Variants in FAM234B observed in about 807,000 individuals in gnomAD.
FAM234B encodes the protein family with sequence similarity 234 member B.
In FAM234B, 33 loss-of-function variants were observed where a neutral mutation model predicts 69.3. The observed-to-expected ratio is 0.48, with a 90% CI of 0.36 to 0.64. The LOEUF (loss-of-function observed/expected upper bound fraction) is 0.64, where lower values mean the gene tolerates loss of function less well. Among genes scored for constraint, FAM234B ranks in the 30% least tolerant of loss-of-function variants. The pLI is 0.00. For missense variants in FAM234B, 697 were observed against 769.7 expected, an observed-to-expected ratio of 0.91 and a Z score of 1.12; for synonymous variants, 306 against 306.9, an observed-to-expected ratio of 1.00 and a Z score of 0.03.
intron 10 of FAM234B, among the ~76,000 whole-genome samples, chr12:13,072,499 A>G (rs1865116999): frequency 6.6e-6 from 1 of 152,178 alleles, no homozygotes; most frequent in Non-Finnish European, 1.5e-5. Context: ...TGGGAGGCCG[A>G]GGCAGGAGAA....
At chr12:13,053,125 C>G (rs1320515553) in intron 1 of FAM234B, among the ~76,000 whole-genome samples, 1 of 151,908 alleles carries the variant, frequency 6.6e-6, no homozygotes, top group Admixed American at 6.6e-5. Flanking sequence ...AATTTGTGCC[C>G]TTAAAAATCA....
At chr12:13,061,266 A>G (rs186610799) in intron 3 of FAM234B, among the ~76,000 whole-genome samples, 42 of 152,346 alleles carry the variant, frequency 2.8e-4, no homozygotes, top group African/African-American at 9.9e-4. Flanking sequence ...CCTTAAGGAT[A>G]TCACCATTTA....
Position 13,044,588 on chromosome 12 carries a change from G to C in FAM234B, c.37+148G>C. ...GTGCCGAGGAGGGTGCAGTCCCTTGGGGCTGGGGTCTCTGTGCCACCAGAG... is the reference window on the plus strand; with the variant it reads ...GTGCCGAGGAGGGTGCAGTCCCTTGCGGCTGGGGTCTCTGTGCCACCAGAG... On this transcript the variant is annotated intron_variant, in intron 1 of 12. Coordinates refer to ENST00000197268, the MANE Select transcript of FAM234B (RefSeq NM_020853.2). This position sits in a 1 kb window ranked among gnomAD's most constrained non-coding sequence, Gnocchi z 5.6. The C allele has an allele frequency of 3.6e-6, 3 of 834,252 alleles. No homozygotes were observed. The highest frequency in any genetic ancestry group is 5.6e-6 in the Non-Finnish European group (3 of 538,576). 51.7% of individuals were successfully genotyped at this position (834,252 alleles called of 1,614,324 possible).
chr12:13,076,127 A>G lies in FAM234B; in HGVS notation c.1626A>G (p.Thr542=). Residue 542 remains threonine, a synonymous_variant, in exon 11 of 13, where the codon ACA becomes ACG. Transcript: ENST00000197268. ...TGGATCTGGCCAACACCACCGGCAC[A>G]GTGACGGCTTCAGAGGGTGAGTCCC... ...ILLDLANTTG[T]VTASEVGIND... is the part of the protein sequence containing the mutation. The G allele has an allele frequency of 6.2e-7, 1 of 1,613,402 alleles. No homozygotes were observed. Among genetic ancestry groups the G allele is most frequent in the South Asian group, 1.1e-5 (1 of 91,072 alleles).
chr12:13,053,422 T>C (rs1864895535), intron 1 of FAM234B, among the ~76,000 whole-genome samples: 1 of 152,100 alleles, frequency 6.6e-6, no homozygotes, highest in East Asian at 1.9e-4. Context: ...TTTCCTTAAG[T>C]GTTGGCCGGT....
rs1258829463 is a variant in FAM234B at position 13,076,073 on chromosome 12, C to T, written c.1572C>T (p.Leu524=). The change falls in exon 11 of 13, where the codon CTC becomes CTT. Residue 524 remains leucine, a synonymous_variant. Coordinates refer to ENST00000197268, the MANE Select transcript of FAM234B (RefSeq NM_020853.2). Reference sequence around the variant, plus strand: ...CGCCCAGCCTTCACCACCTTTACCTCCTGCATCCTGCGTTCCCCTCCATCC... The same window carrying T: ...CGCCCAGCCTTCACCACCTTTACCTTCTGCATCCTGCGTTCCCCTCCATCC... ...TEPPSLHHLY[L]LHPAFPSILL... 1 of 1,614,088 alleles carries T rather than the reference C, an allele frequency of 6.2e-7. No individual in the cohort carries two copies. The highest frequency in any genetic ancestry group is 8.5e-7 in the Non-Finnish European group (1 of 1,180,026).
chr12:13,061,516 C>T, intron 3 of FAM234B, 59 bp from the exon 4 acceptor site: 1 of 1,463,616 alleles, frequency 6.8e-7, no homozygotes. Context: ...TCTTGTTCAT[C>T]TCTGCCTCTT....
At chr12:13,056,479 T>A (rs935036778) in intron 2 of FAM234B, among the ~76,000 whole-genome samples, 2 of 152,186 alleles carry the variant, frequency 1.3e-5, no homozygotes. Context: ...CTTTTTGGAG[T>A]AGGCTTCTTT....
At position 13,070,172 on chromosome 12, in the gene FAM234B, G is replaced by GAT. The variant is rs66463903; in HGVS notation, c.1369-1031_1369-1030dup. On this transcript the variant is annotated intron_variant, in intron 9 of 12. Coordinates refer to ENST00000197268, the MANE Select transcript of FAM234B (RefSeq NM_020853.2). ...AGTTAAACTATAATAATTAAAAAAA[G>GAT]ATATATATATATATATATATATATA... 5.9e-4 allele frequency among the ~76,000 whole-genome samples: 83 copies of GAT among 139,748 alleles called. 1 individual carries two copies. Among genetic ancestry groups the GAT allele is most frequent in the African/African-American group, 1.6e-3 (59 of 37,954 alleles). The allele number at this position is 139,748 out of a possible 152,430, so 91.7% of individuals were successfully genotyped here. A position where few individuals can be genotyped will look rare whatever the true frequency, so the allele number is the denominator to read the frequency against.
chr12:13,047,405 A>G (rs1864823726), intron 1 of FAM234B, among the ~76,000 whole-genome samples: 1 of 152,234 alleles, frequency 6.6e-6, no homozygotes, highest in South Asian at 2.1e-4. Context: ...AAACTAACCC[A>G]TGATATGAAT....
intron 5 of FAM234B, among the ~76,000 whole-genome samples, chr12:13,066,020 A>C (rs1865032193): frequency 6.6e-6 from 1 of 152,212 alleles, no homozygotes; most frequent in Non-Finnish European, 1.5e-5. Context: ...ACTTGTTTTT[A>C]TAAATAGAGC....
intron 5 of FAM234B, among the ~76,000 whole-genome samples, chr12:13,066,009 T>G (rs563421552): frequency 1.5e-4 from 23 of 152,226 alleles, no homozygotes; most frequent in Non-Finnish European, 3.1e-4. Context: ...TTTGGCCCAC[T>G]ACTTGTTTTT....
In FAM234B at chr12:13,066,723, G is replaced by A; in HGVS notation, c.936G>A (p.Gly312=). The change falls in exon 6 of 13, where the codon GGG becomes GGA. Residue 312 remains glycine, a synonymous_variant. Coordinates refer to ENST00000197268, the MANE Select transcript of FAM234B (RefSeq NM_020853.2). ...RPVKYNIVGV[G]NLIGPQVYIT... ...TGAAGTACAACATCGTTGGAGTTGG[G>A]AATCTGATTGGTCCTCAGGTTTACA... is the stretch of plus-strand genomic sequence containing the variant. The A allele has an allele frequency of 1.9e-6, 3 of 1,614,114 alleles. No individual in the cohort carries two copies. Among genetic ancestry groups the A allele is most frequent in the Non-Finnish European group, 2.5e-6 (3 of 1,179,978 alleles).
In FAM234B at chr12:13,055,750, G is replaced by T. The variant is rs144388956; in HGVS notation, c.237G>T (p.Thr79=). The change falls in exon 2 of 13, where the codon ACG becomes ACT. Residue 79 remains threonine (T), a synonymous_variant. Coordinates refer to ENST00000197268, the MANE Select transcript of FAM234B (RefSeq NM_020853.2). Reference sequence around the variant, plus strand: ...AGCCACATCTTTCAGAAGTCACCACGGAGGGCTACCCCTCAGAACCCCTTG... The same window carrying T: ...AGCCACATCTTTCAGAAGTCACCACTGAGGGCTACCCCTCAGAACCCCTTG... The part of the protein sequence containing the change: ...AAKPHLSEVT[T]EGYPSEPLGG... 7.4e-6 allele frequency: 12 copies of T among 1,614,072 alleles called. No homozygotes were observed. The highest frequency in any genetic ancestry group is 8.5e-6 in the Non-Finnish European group (10 of 1,180,018).
chr12:13,047,576 C>G (rs1345599427), intron 1 of FAM234B, among the ~76,000 whole-genome samples: 2 of 152,154 alleles, frequency 1.3e-5, no homozygotes, highest in African/African-American at 4.8e-5. Context: ...GTGTTTTCCT[C>G]TCTACCATTT....
intron 10 of FAM234B, among the ~76,000 whole-genome samples, chr12:13,074,116 T>C (rs1565511965): frequency 6.6e-6 from 1 of 152,242 alleles, no homozygotes; most frequent in Non-Finnish European, 1.5e-5. Context: ...TGCCTCAGAC[T>C]AGCTCCTGTT....
chr12:13,055,405 T>TA (rs1293765441), intron 1 of FAM234B, 146 bp from the exon 2 acceptor site: 7 of 712,554 alleles, frequency 9.8e-6, no homozygotes, highest in African/African-American at 1.8e-5. Flanking sequence ...GTTTTACAGA[T>TA]AGCCACCAAG....
chr12:13,059,919 G>A (rs1234147785), intron 3 of FAM234B, among the ~76,000 whole-genome samples: 1 of 152,184 alleles, frequency 6.6e-6, no homozygotes, highest in African/African-American at 2.4e-5. Flanking sequence ...ACTCATAATG[G>A]CAAGGCCATG....
Position 13,066,777 on chromosome 12 carries a change from G to C in FAM234B, c.990G>C (p.Leu330=). Reference sequence around the variant, plus strand: ...CCACAAATGGGGCTGTCTACATCCTGTTTGGCTTTGGTAAGAAGCAAGGCT... The same window carrying C: ...CCACAAATGGGGCTGTCTACATCCTCTTTGGCTTTGGTAAGAAGCAAGGCT... ...YITTNGAVYI[L]FGFGNIQAVA... The change falls in exon 6 of 13, where the codon CTG becomes CTC. Residue 330 remains leucine (L), a synonymous_variant. Coordinates refer to ENST00000197268, the MANE Select transcript of FAM234B (RefSeq NM_020853.2). 6.2e-7 allele frequency: 1 copy of C among 1,612,492 alleles called. No homozygotes were observed. The highest frequency in any genetic ancestry group is 8.5e-7 in the Non-Finnish European group (1 of 1,179,354).
Sources: allele counts gnomAD v4.1 joint callset (sites outside exome capture counted in the v4.1 genomes callset), GRCh38; gene constraint gnomAD v4.1.1; non-coding constraint Gnocchi (gnomAD v3.1); transcripts MANE v1.5; gene names NCBI Gene and HGNC (gene_info 2026-07-23, HGNC 2026-07-21).